PRKCH: variants seen among roughly 807,000 people sequenced by gnomAD.
The protein encoded by PRKCH is protein kinase C eta.
In PRKCH, 28 loss-of-function variants were observed where a neutral mutation model predicts 82.5. That is an observed-to-expected ratio of 0.34 (90% CI 0.25 to 0.47). The LOEUF (loss-of-function observed/expected upper bound fraction) is 0.47, where lower values mean the gene tolerates loss of function less well. Among genes scored for constraint, PRKCH ranks in the 20% least tolerant of loss-of-function variants. The pLI, the probability that PRKCH is intolerant of heterozygous loss-of-function variation, is 1.00. For missense variants in PRKCH, 705 were observed against 881.8 expected, an observed-to-expected ratio of 0.80 and a Z score of 2.54; for synonymous variants, 322 against 327.4, an observed-to-expected ratio of 0.98 and a Z score of 0.18.
chr14:61,305,760 A>G (rs2045481859), intron 1 of PRKCH: 1 of 152,126 alleles, frequency 6.6e-6, no homozygotes. Flanking sequence ...GCATCCTTAC[A>G]TATATTTATA....
At chr14:61,545,460 C>T (rs1276165161) in intron 12 of PRKCH, among the ~76,000 whole-genome samples, 2 of 152,188 alleles carry the variant, frequency 1.3e-5, no homozygotes, top group Non-Finnish European at 2.9e-5. Context: ...TTGTCATCTG[C>T]GTATCCCCAA....
chr14:61,487,879 C>T (rs1320136404), intron 10 of PRKCH, among the ~76,000 whole-genome samples: 4 of 150,860 alleles, frequency 2.7e-5, no homozygotes, highest in Admixed American at 6.6e-5. Flanking sequence ...GCCAGCCGGG[C>T]GCGGTGGCTC....
chr14:61,477,288 A>C (rs1429818575), intron 9 of PRKCH: 2 of 152,232 alleles, frequency 1.3e-5, no homozygotes, highest in African/African-American at 4.8e-5. Flanking sequence ...CATTGCCTTA[A>C]AGCAATAGCT....
intron 1 of PRKCH, among the ~76,000 whole-genome samples, chr14:61,325,479 G>A (rs2045683283): frequency 6.6e-6 from 1 of 152,094 alleles, no homozygotes; most frequent in East Asian, 1.9e-4. Flanking sequence ...AATTCAAAAT[G>A]GATTATAGAC....
intron 9 of PRKCH, among the ~76,000 whole-genome samples, chr14:61,469,456 T>A (rs8011286): frequency 0.92 from 139,682 of 152,244 alleles, 64,216 homozygotes; most frequent in East Asian, 1. Context: ...GCCAACTGAT[T>A]GCTTTAAGCA....
intron 9 of PRKCH, among the ~76,000 whole-genome samples, chr14:61,468,982 G>A (rs1885382296): frequency 6.6e-6 from 1 of 152,192 alleles, no homozygotes; most frequent in Admixed American, 6.5e-5. Flanking sequence ...GAAACACCAA[G>A]TGCCAGGACT....
rs1355336266 is a variant in PRKCH, at chr14:61,431,684, A to G, written c.428-11427A>G. Among the ~76,000 whole-genome samples the G allele has an allele frequency of 2.6e-5, 4 of 152,240 alleles. No homozygotes were observed. The South Asian group carries it at 6.2e-4, about 24-fold the overall frequency. On this transcript the variant is annotated intron_variant, in intron 2 of 13. Transcript: ENST00000332981. ...CTCTGCAACAGTATAGCTCTGCAGT[A>G]ATGAGTAAATGCTGTTTGTTGGTTT... is the stretch of plus-strand genomic sequence containing the variant.
At chr14:61,413,418 C>CCCCCCCT (rs1226453137) in intron 2 of PRKCH, among the ~76,000 whole-genome samples, 3 of 105,670 alleles carry the variant, frequency 2.8e-5, no homozygotes, top group East Asian at 3.3e-4. Flanking sequence ...CCCCCCGCCC[C>CCCCCCCT]GCCCATGTAC....
intron 9 of PRKCH, among the ~76,000 whole-genome samples, chr14:61,467,366 C>T (rs558133683): frequency 7.9e-5 from 12 of 152,350 alleles, no homozygotes; most frequent in African/African-American, 2.4e-4. Flanking sequence ...CATGTGGGGT[C>T]GTAGCGGGGC....
chr14:61,444,737 G>A lies in PRKCH; in HGVS notation c.579-955G>A, dbSNP rs117582607. Among the ~76,000 whole-genome samples the A allele has an allele frequency of 4.3e-3, 661 of 152,254 alleles. 6 individuals are homozygous for A. Among genetic ancestry groups the A allele is most frequent in the Non-Finnish European group, 4.4e-3 (300 of 68,024 alleles). Reference sequence around the variant, plus strand: ...TGGGTGTGTGACTTAGTCAAGTTGCGTAGCCTGTCAATGTCTCTTCATTTG... The same window carrying A: ...TGGGTGTGTGACTTAGTCAAGTTGCATAGCCTGTCAATGTCTCTTCATTTG... On this transcript the variant is annotated intron_variant, in intron 3 of 13. Coordinates refer to ENST00000332981, the MANE Select transcript of PRKCH (RefSeq NM_006255.5).
intron 1 of PRKCH, among the ~76,000 whole-genome samples, chr14:61,360,231 G>A (rs571757080): frequency 6.6e-6 from 1 of 152,352 alleles, no homozygotes; most frequent in Admixed American, 6.5e-5. Context: ...GAGGTTGGGT[G>A]CAGTGGCTCA....
chr14:61,412,853 T>C (rs1691284939), intron 2 of PRKCH, among the ~76,000 whole-genome samples: 1 of 152,178 alleles, frequency 6.6e-6, no homozygotes, highest in Admixed American at 6.5e-5. Context: ...TCCCTCAGTG[T>C]GGCCATCTCT....
At chr14:61,468,587 C>A (rs1340544608) in intron 9 of PRKCH, among the ~76,000 whole-genome samples, 2 of 152,106 alleles carry the variant, frequency 1.3e-5, no homozygotes, top group African/African-American at 4.8e-5. Context: ...AATAAGAGAA[C>A]CTGAAGTTCA....
intron 6 of PRKCH, among the ~76,000 whole-genome samples, chr14:61,451,458 G>A (rs1449363827): frequency 6.6e-6 from 1 of 152,208 alleles, no homozygotes; most frequent in Non-Finnish European, 1.5e-5. Flanking sequence ...AAATCAGCAG[G>A]AATGGAGTTG....
intron 1 of PRKCH, chr14:61,344,190 G>C (rs2045962945): frequency 6.6e-6 from 1 of 152,188 alleles, no homozygotes; most frequent in Non-Finnish European, 1.5e-5. Flanking sequence ...GATGTCATAT[G>C]CACTTCTGCC....
At chr14:61,434,622 G>T (rs1883588402) in intron 2 of PRKCH, among the ~76,000 whole-genome samples, 1 of 152,178 alleles carries the variant, frequency 6.6e-6, no homozygotes, top group Non-Finnish European at 1.5e-5. Flanking sequence ...TAGGACAGGA[G>T]GGAATTTCCA....
chr14:61,236,749 G>A (rs1237316372), intron 1 of PRKCH, among the ~76,000 whole-genome samples: 1 of 149,548 alleles, frequency 6.7e-6, no homozygotes, highest in South Asian at 2.1e-4. Flanking sequence ...AATGAAGCTG[G>A]CTCAGTCCCA....
intron 9 of PRKCH, among the ~76,000 whole-genome samples, chr14:61,461,431 T>A (rs1379113239): frequency 6.6e-6 from 1 of 152,236 alleles, no homozygotes; most frequent in Admixed American, 6.5e-5. Context: ...AACACCACCA[T>A]GAACACCATG....
At chr14:61,403,834 CT>C (rs1881796416) in intron 2 of PRKCH, among the ~76,000 whole-genome samples, 1 of 152,154 alleles carries the variant, frequency 6.6e-6, no homozygotes, top group Admixed American at 6.5e-5. Flanking sequence ...TTTTTTCAAG[CT>C]TTATTGTTTT....
Sources: gnomAD v4.1 joint callset for allele counts (sites outside exome capture counted in the v4.1 genomes callset) on GRCh38, gnomAD v4.1.1 for gene constraint, MANE v1.5 for transcripts, NCBI Gene and HGNC (gene_info 2026-07-23, HGNC 2026-07-21) for gene names.